Variants in DDI2 observed in about 807,000 individuals in gnomAD.
DDI2 encodes DDI proteasomal shuttling factor 2.
In DDI2, 5 loss-of-function variants were observed where a neutral mutation model predicts 48.1. That is an observed-to-expected ratio of 0.10 (90% CI 0.05 to 0.22). The LOEUF is 0.22. Among genes scored for constraint, DDI2 ranks in the 10% least tolerant of loss-of-function variants. DDI2 has a pLI of 1.00. For missense variants in DDI2, 285 were observed against 506.2 expected (o/e 0.56, Z 4.19); for synonymous variants, 205 against 183.6 (o/e 1.12, Z -0.94).
rs1185677945 is a variant in DDI2, at chr1:15,661,575, A to G, written c.*1785A>G. The stretch of plus-strand genomic sequence containing the variant: ...CATCAAGTCCTGCCATTCTTCCACC[A>G]TTGATTTTTCCTGCCACAGATATTG... On this transcript the variant is annotated 3_prime_UTR_variant, in exon 10 of 10. Coordinates refer to ENST00000480945, the MANE Select transcript of DDI2 (RefSeq NM_032341.5). 6.2e-7 allele frequency: 1 copy of G among 1,614,146 alleles called. No homozygotes were observed. The highest frequency in any genetic ancestry group is 2.2e-5 in the East Asian group (1 of 44,882).
At chr1:15,617,840 G>A (rs1639587776) in intron 1 of DDI2, 32 bp downstream of exon 1, 1 of 1,545,276 alleles carries the variant, frequency 6.5e-7, no homozygotes, top group African/African-American at 1.4e-5. Context: ...GCCTGCCCCG[G>A]AGCTAAGCCC....
At chr1:15,642,310 A>G (rs1414116503) in intron 5 of DDI2, among the ~76,000 whole-genome samples, 1 of 152,176 alleles carries the variant, frequency 6.6e-6, no homozygotes, top group Non-Finnish European at 1.5e-5. Context: ...AAAATAACCT[A>G]AGTGCCCTCA....
At chr1:15,643,418 G>C in intron 5 of DDI2, 104 bp from the exon 6 acceptor site, 4 of 1,498,578 alleles carry the variant, frequency 2.7e-6, no homozygotes, top group Non-Finnish European at 3.6e-6. Context: ...CCAAAGCCTT[G>C]GGGTGTGCTT....
chr1:15,659,793 C>A (rs1640332320), intron 9 of DDI2, 44 bp from the exon 10 acceptor site: 4 of 1,474,510 alleles, frequency 2.7e-6, no homozygotes, highest in Non-Finnish European at 3.6e-6. Flanking sequence ...TGGCATTAGT[C>A]ACCTGCTAAT....
rs1466276477 is a variant in DDI2, at chr1:15,642,784, C to T, written c.761-738C>T. On this transcript the variant is annotated intron_variant, in intron 5 of 9. Coordinates refer to ENST00000480945, the MANE Select transcript of DDI2 (RefSeq NM_032341.5). ...ACTAAAAATACAAAAATTAGCTGGA[C>T]GTGCCGGGTGCAGTGGCTCACGCCT... 3.9e-5 allele frequency among the ~76,000 whole-genome samples: 6 copies of T among 151,934 alleles called. No homozygotes were observed. The South Asian group carries it at 6.2e-4, about 16-fold the overall frequency.
intron 1 of DDI2, among the ~76,000 whole-genome samples, chr1:15,626,182 G>C (rs1431933101): frequency 6.6e-6 from 1 of 152,104 alleles, no homozygotes; most frequent in Non-Finnish European, 1.5e-5. Context: ...AACAGGCCCT[G>C]TTCTAAGCAT....
At chr1:15,617,905 T>C (rs1570961332) in intron 1 of DDI2, 97 bp downstream of exon 1, 1 of 1,380,328 alleles carries the variant, frequency 7.2e-7, no homozygotes, top group Non-Finnish European at 9.5e-7. Flanking sequence ...AATTGGGGGC[T>C]GGGGGGAGCA....
intron 6 of DDI2, among the ~76,000 whole-genome samples, chr1:15,643,911 C>T (rs1311012902): frequency 1.1e-4 from 17 of 152,068 alleles, no homozygotes; most frequent in African/African-American, 1.7e-4. Context: ...AATCCCTTTC[C>T]GTCATTTTAG....
At chr1:15,640,901 G>A (rs1639996920) in intron 5 of DDI2, among the ~76,000 whole-genome samples, 1 of 152,176 alleles carries the variant, frequency 6.6e-6, no homozygotes, top group African/African-American at 2.4e-5. Flanking sequence ...GAGGAAGTGG[G>A]TCTTGAGCTA....
At chr1:15,628,322 G>A (rs1347408126) in intron 2 of DDI2, among the ~76,000 whole-genome samples, 1 of 152,206 alleles carries the variant, frequency 6.6e-6, no homozygotes, top group African/African-American at 2.4e-5. Flanking sequence ...TTGGTTGGGA[G>A]TTGAAGAAAG....
intron 4 of DDI2, chr1:15,633,981 T>C (rs1639887484): frequency 2.8e-6 from 1 of 356,936 alleles, no homozygotes; most frequent in Admixed American, 3.9e-5. Context: ...TAAACATGAT[T>C]GGATTAGAGA....
chr1:15,660,766 A>G lies in DDI2; in HGVS notation c.*976A>G. ...ATCAAAATGTAACCCTTCATCTGAAATTTTGAATGATTCCATTTCCACTCA... is the reference window on the plus strand; with the variant it reads ...ATCAAAATGTAACCCTTCATCTGAAGTTTTGAATGATTCCATTTCCACTCA... On this transcript the variant is annotated 3_prime_UTR_variant, in exon 10 of 10. Transcript: ENST00000480945. 6.8e-6 allele frequency: 11 copies of G among 1,613,894 alleles called. No individual in the cohort carries two copies. The highest frequency in any genetic ancestry group is 9.3e-6 in the Non-Finnish European group (11 of 1,179,966).
chr1:15,643,870 TCTC>T (rs1640046603), intron 6 of DDI2, among the ~76,000 whole-genome samples: 1 of 152,308 alleles, frequency 6.6e-6, no homozygotes, highest in East Asian at 1.9e-4. Flanking sequence ...AAACAAGTAG[TCTC>T]CTCTACGTTT....
At chr1:15,651,043 C>T (rs1284912861) in intron 7 of DDI2, among the ~76,000 whole-genome samples, 13 of 151,266 alleles carry the variant, frequency 8.6e-5, no homozygotes, top group Non-Finnish European at 5.9e-5. Context: ...GTAGTAGAGA[C>T]GGGGTTTCAC....
chr1:15,647,691 GT>G (rs1640112744), intron 6 of DDI2, among the ~76,000 whole-genome samples: 1 of 152,118 alleles, frequency 6.6e-6, no homozygotes, highest in Non-Finnish European at 1.5e-5. Flanking sequence ...GGTGGGTGTG[GT>G]GGCTCATGTC....
At chr1:15,620,471 C>G (rs1285089745) in intron 1 of DDI2, among the ~76,000 whole-genome samples, 1 of 152,124 alleles carries the variant, frequency 6.6e-6, no homozygotes, top group Non-Finnish European at 1.5e-5. Context: ...TACTCATCTT[C>G]CCTTCCTTTC....
In DDI2 at chr1:15,660,513, G is replaced by A. The variant is rs181311139; in HGVS notation, c.*723G>A. On this transcript the variant is annotated 3_prime_UTR_variant, in exon 10 of 10. Coordinates refer to ENST00000480945, the MANE Select transcript of DDI2 (RefSeq NM_032341.5). ...ACAAAATTGTTGATTTGGAAGCTAC[G>A]ATGAAAGGAAATGGGCTCCCACAGA... is the stretch of plus-strand genomic sequence containing the variant. The A allele has an allele frequency of 1.6e-5, 26 of 1,613,644 alleles. No individual in the cohort carries two copies. Among genetic ancestry groups the A allele is most frequent in the Non-Finnish European group, 2.0e-5 (24 of 1,179,912 alleles).
intron 8 of DDI2, 172 bp from the exon 9 acceptor site, chr1:15,656,445 T>C: frequency 6.7e-7 from 1 of 1,492,250 alleles, no homozygotes; most frequent in Non-Finnish European, 8.9e-7. Context: ...TGTGAGAGAA[T>C]GGAAGCAACC....
intron 1 of DDI2, among the ~76,000 whole-genome samples, chr1:15,623,583 T>TATTATTATTATTA: frequency 1.3e-5 from 2 of 150,884 alleles, no homozygotes; most frequent in African/African-American, 4.9e-5. Context: ...TTATTATTAT[T>TATTATTATTATTA]TTAGAGATGG....
Sources: gnomAD v4.1 joint callset for allele counts (sites outside exome capture counted in the v4.1 genomes callset) on GRCh38, gnomAD v4.1.1 for gene constraint, MANE v1.5 for transcripts, NCBI Gene and HGNC (gene_info 2026-07-23, HGNC 2026-07-21) for gene names.